The following PRKCA variants were observed in gnomAD, a reference collection of about 807,000 sequenced individuals.
The protein encoded by PRKCA is protein kinase C alpha, also known as protein kinase C alpha type.
In PRKCA, 27 loss-of-function variants were observed where a neutral mutation model predicts 87.0. That is an observed-to-expected ratio of 0.31 (90% CI 0.23 to 0.43). PRKCA has a LOEUF of 0.43. Among genes scored for constraint, PRKCA ranks in the 20% least tolerant of loss-of-function variants. The pLI, the probability that PRKCA is intolerant of heterozygous loss-of-function variation, is 1.00. For missense variants in PRKCA, 518 were observed against 852.3 expected, an observed-to-expected ratio of 0.61 and a Z score of 4.88; for synonymous variants, 329 against 311.1, an observed-to-expected ratio of 1.06 and a Z score of -0.61.
intron 2 of PRKCA, among the ~76,000 whole-genome samples, chr17:66,328,990 G>T (rs1294487106): frequency 6.6e-6 from 1 of 152,208 alleles, no homozygotes; most frequent in Non-Finnish European, 1.5e-5. Flanking sequence ...TAAGCAAGGA[G>T]GTGGCCTGAT....
At chr17:66,390,434 G>T (rs1023193146) in intron 2 of PRKCA, among the ~76,000 whole-genome samples, 1 of 152,150 alleles carries the variant, frequency 6.6e-6, no homozygotes, top group Admixed American at 6.6e-5. Flanking sequence ...GTGTACAGTG[G>T]GCTCTCGCTC....
intron 2 of PRKCA, among the ~76,000 whole-genome samples, chr17:66,458,865 A>G (rs1479138638): frequency 2.0e-5 from 3 of 152,188 alleles, no homozygotes; most frequent in East Asian, 1.9e-4. Flanking sequence ...CATTGGAGAA[A>G]GCAAAGGCAA....
At position 66,496,242 on chromosome 17, in the gene PRKCA, A is replaced by C; in HGVS notation, c.247A>C (p.Thr83Pro). Residue 83 changes from threonine (T) to proline (P), a missense_variant, in exon 3 of 17, where the codon ACT becomes CCT. By Grantham distance (38) the Thr-to-Pro change is conservative (BLOSUM62 -1). Coordinates refer to ENST00000413366, the MANE Select transcript of PRKCA (RefSeq NM_002737.3). ...VVHKRCHEFV[T>P]FSCPGADKGP... ...CCACAAGAGGTGCCATGAATTTGTT[A>C]CTTTTTCTTGTCCGGGTGCGGATAA... 6.2e-7 allele frequency: 1 copy of C among 1,614,046 alleles called. No individual in the cohort carries two copies. The highest frequency in any genetic ancestry group is 8.5e-7 in the Non-Finnish European group (1 of 1,179,964).
chr17:66,798,085 G>C (rs962236410), intron 16 of PRKCA, among the ~76,000 whole-genome samples: 2 of 152,184 alleles, frequency 1.3e-5, no homozygotes, highest in Non-Finnish European at 2.9e-5. Flanking sequence ...CATCCCTGAG[G>C]AGTGGCGGGA....
At chr17:66,492,765 T>C (rs1916301023) in intron 2 of PRKCA, among the ~76,000 whole-genome samples, 1 of 152,232 alleles carries the variant, frequency 6.6e-6, no homozygotes, top group African/African-American at 2.4e-5. Flanking sequence ...AGTTTTGCAA[T>C]CAAGATGCTT....
At chr17:66,618,060 A>G (rs1194912068) in intron 3 of PRKCA, among the ~76,000 whole-genome samples, 1 of 152,152 alleles carries the variant, frequency 6.6e-6, no homozygotes, top group Non-Finnish European at 1.5e-5. Context: ...CCTTCATTAA[A>G]CATAGTCATT....
intron 3 of PRKCA, among the ~76,000 whole-genome samples, chr17:66,624,989 C>T (rs886678762): frequency 2.0e-5 from 3 of 152,120 alleles, no homozygotes; most frequent in Non-Finnish European, 4.4e-5. Flanking sequence ...TCCCTCATTG[C>T]AGAAGATTCT....
chr17:66,348,796 A>T (rs535234648), intron 2 of PRKCA, among the ~76,000 whole-genome samples: 1 of 152,340 alleles, frequency 6.6e-6, no homozygotes, highest in East Asian at 1.9e-4. Flanking sequence ...GCTGGAAGTT[A>T]GGCTAATCTA....
chr17:66,620,525 G>A (rs988271402), intron 3 of PRKCA, among the ~76,000 whole-genome samples: 1 of 152,162 alleles, frequency 6.6e-6, no homozygotes, highest in Non-Finnish European at 1.5e-5. Flanking sequence ...AGGAGAATCG[G>A]GGAAATGTAT....
At chr17:66,433,702 G>A (rs913825487) in intron 2 of PRKCA, among the ~76,000 whole-genome samples, 4 of 151,974 alleles carry the variant, frequency 2.6e-5, no homozygotes, top group Admixed American at 6.6e-5. Flanking sequence ...CCGTCACCAC[G>A]CCCTGCCCAT....
chr17:66,666,009 A>G (rs988447576), intron 5 of PRKCA, among the ~76,000 whole-genome samples: 4 of 152,180 alleles, frequency 2.6e-5, no homozygotes, highest in African/African-American at 9.7e-5. Flanking sequence ...TGTAGTCCTG[A>G]CTGGGCAGTC....
rs1042670130 is a variant in PRKCA at position 66,524,255 on chromosome 17, G to A, written c.288+27972G>A. ...ACTCTGTAAGGGGCATTGTTCAGTG[G>A]AAGACTGTGTGTTTTGCTAATTTGT... On this transcript the variant is annotated intron_variant, in intron 3 of 16. Coordinates refer to ENST00000413366, the MANE Select transcript of PRKCA (RefSeq NM_002737.3). 5.9e-5 allele frequency among the ~76,000 whole-genome samples: 9 copies of A among 152,326 alleles called. No homozygotes were observed. In the East Asian group the frequency reaches 1.5e-3, roughly 26 times the overall value.
chr17:66,512,484 G>C (rs368857677), intron 3 of PRKCA, among the ~76,000 whole-genome samples: 2 of 61,336 alleles, frequency 3.3e-5, no homozygotes, highest in Non-Finnish European at 6.3e-5. Context: ...GTGTGTGTGT[G>C]TGTGTGTATT....
At chr17:66,728,857 G>A (rs1055510684) in intron 8 of PRKCA, among the ~76,000 whole-genome samples, 6 of 152,246 alleles carry the variant, frequency 3.9e-5, no homozygotes, top group African/African-American at 1.4e-4. Context: ...GCGTGCTACA[G>A]TTGGAAACTG....
At chr17:66,417,702 T>A (rs924513730) in intron 2 of PRKCA, among the ~76,000 whole-genome samples, 1 of 152,138 alleles carries the variant, frequency 6.6e-6, no homozygotes, top group African/African-American at 2.4e-5. Flanking sequence ...AGGCTCACGT[T>A]TGGTCTTTTG....
At chr17:66,338,000 T>TCCCCCCCCCCCC (rs143400908) in intron 2 of PRKCA, among the ~76,000 whole-genome samples, 1 of 149,168 alleles carries the variant, frequency 6.7e-6, no homozygotes, top group Non-Finnish European at 1.5e-5. Context: ...CTGGGAATCT[T>TCCCCCCCCCCCC]CCCCCCCCTC....
At chr17:66,733,625 C>T (rs950785283) in intron 9 of PRKCA, among the ~76,000 whole-genome samples, 12 of 152,116 alleles carry the variant, frequency 7.9e-5, no homozygotes, top group Non-Finnish European at 1.5e-4. Context: ...AACCCCATCT[C>T]TACTAAAAAT....
chr17:66,803,911 A>G lies in PRKCA; in HGVS notation c.1893A>G (p.Thr631=), dbSNP rs777600522. ...CAGAGAACTTTGACAAGTTCTTCAC[A>G]CGAGGACAGCCCGTCTTAACACCAC... ...KGAENFDKFF[T]RGQPVLTPPD... The change falls in exon 17 of 17, where the codon ACA becomes ACG. Residue 631 remains threonine (T), a synonymous_variant. Transcript: ENST00000413366. This position sits in a 1 kb window ranked among gnomAD's most constrained non-coding sequence, Gnocchi z 4.4. 6.2e-7 allele frequency: 1 copy of G among 1,613,908 alleles called. No homozygotes were observed. Among genetic ancestry groups the G allele is most frequent in the Non-Finnish European group, 8.5e-7 (1 of 1,179,898 alleles).
intron 3 of PRKCA, among the ~76,000 whole-genome samples, chr17:66,603,748 T>C (rs1221773933): frequency 6.6e-6 from 1 of 152,124 alleles, no homozygotes; most frequent in Non-Finnish European, 1.5e-5. Context: ...TCTGTACTCA[T>C]GAAACACCAG....
Sources: gnomAD v4.1 joint callset for allele counts (sites outside exome capture counted in the v4.1 genomes callset) on GRCh38, gnomAD v4.1.1 for gene constraint, Gnocchi (gnomAD v3.1) non-coding constraint, MANE v1.5 for transcripts, NCBI Gene and HGNC (gene_info 2026-07-23, HGNC 2026-07-21) for gene names.